CRB1: variants seen among roughly 807,000 people sequenced by gnomAD.
CRB1 encodes crumbs cell polarity complex component 1.
In CRB1, 83 loss-of-function variants were observed where a neutral mutation model predicts 120.0. That is an observed-to-expected ratio of 0.69 (90% CI 0.58 to 0.83). The LOEUF is 0.83. Ranked by LOEUF, CRB1 falls within the 40% of genes least tolerant of loss-of-function variation. CRB1 has a pLI of 0.00. For missense variants in CRB1, 1,699 were observed against 1,687.6 expected, an observed-to-expected ratio of 1.01 and a Z score of -0.12; for synonymous variants, 625 against 612.5, an observed-to-expected ratio of 1.02 and a Z score of -0.30.
At chr1:197,462,854 T>C (rs1281626736) in intron 11 of CRB1, among the ~76,000 whole-genome samples, 1 of 151,480 alleles carries the variant, frequency 6.6e-6, no homozygotes, top group Non-Finnish European at 1.5e-5. Context: ...TCATGTAATA[T>C]GCTGAGCTCA....
At chr1:197,212,290 G>T in the CRB1 span, among the ~76,000 whole-genome samples, 1 of 152,014 alleles carries the variant, frequency 6.6e-6, no homozygotes, top group Non-Finnish European at 1.5e-5. Context: ...AGAAATAAAA[G>T]TGTATATCTA....
rs765875243 is a variant in CRB1, at chr1:197,344,284, T to C, written c.656T>C (p.Val219Ala). Residue 219 changes from valine (V) to alanine (A), a missense_variant, in exon 3 of 12, where the codon GTA becomes GCA. By Grantham distance (64) the Val-to-Ala change is moderately conservative. Transcript: ENST00000367400. ...TCICPHNYSG[V>A]NCELEIDECW... The stretch of plus-strand genomic sequence containing the variant: ...TCTGTGCTGACTTTTTTAAAAGGTG[T>C]AAACTGTGAATTGGAAATTGACGAA... The C allele has an allele frequency of 1.2e-6, 2 of 1,614,148 alleles. No homozygotes were observed. The highest frequency in any genetic ancestry group is 2.2e-5 in the South Asian group (2 of 91,078).
chr1:197,351,291 C>T (rs1286135057), intron 4 of CRB1, among the ~76,000 whole-genome samples: 1 of 130,058 alleles, frequency 7.7e-6, no homozygotes, highest in Non-Finnish European at 1.6e-5. Flanking sequence ...ACCTGGGAGG[C>T]GGAGGTTGCA....
At chr1:197,409,198 A>T (rs1663571436) in intron 5 of CRB1, among the ~76,000 whole-genome samples, 1 of 152,248 alleles carries the variant, frequency 6.6e-6, no homozygotes, top group Non-Finnish European at 1.5e-5. Flanking sequence ...ATGGATGCTG[A>T]AGAAACAATT....
chr1:197,269,334 CCTT>C (rs993332883), intron 1 of CRB1, among the ~76,000 whole-genome samples: 4 of 152,182 alleles, frequency 2.6e-5, no homozygotes, highest in African/African-American at 4.8e-5. Flanking sequence ...ATCTGGGTCA[CCTT>C]CTGTGGCTGC....
At chr1:197,382,892 C>T (rs949105581) in intron 5 of CRB1, among the ~76,000 whole-genome samples, 2 of 152,164 alleles carry the variant, frequency 1.3e-5, no homozygotes, top group African/African-American at 2.4e-5. Context: ...TTTCAGGGCA[C>T]GTTTTGCAGC....
chr1:197,361,741 C>A (rs541668483), intron 5 of CRB1, among the ~76,000 whole-genome samples: 1 of 151,706 alleles, frequency 6.6e-6, no homozygotes, highest in Non-Finnish European at 1.5e-5. Context: ...CACCTTTTTA[C>A]AGGTTTATCA....
intron 4 of CRB1, 27 bp from the exon 5 acceptor site, chr1:197,356,801 TAGC>T: frequency 6.2e-7 from 1 of 1,612,942 alleles, no homozygotes; most frequent in Non-Finnish European, 8.5e-7. Context: ...ACCTTTGACT[TAGC>T]AGCTTCTCTG....
At chr1:197,295,572 A>G (rs981996717) in intron 1 of CRB1, among the ~76,000 whole-genome samples, 5 of 151,998 alleles carry the variant, frequency 3.3e-5, no homozygotes, top group African/African-American at 1.2e-4. Context: ...TCATCATGGT[A>G]TATTTTGTAG....
chr1:197,409,848 T>A (rs1051438240), intron 5 of CRB1, among the ~76,000 whole-genome samples: 1 of 152,136 alleles, frequency 6.6e-6, no homozygotes, highest in Non-Finnish European at 1.5e-5. Flanking sequence ...AGTGGCGCAA[T>A]CTCGGCTCAC....
At chr1:197,460,920 G>A (rs1159988543) in intron 11 of CRB1, among the ~76,000 whole-genome samples, 5 of 152,106 alleles carry the variant, frequency 3.3e-5, no homozygotes, top group African/African-American at 1.2e-4. Context: ...TTAAAGAACA[G>A]GTCTAGGGGC....
chr1:197,347,555 G>A, intron 4 of CRB1, 76 bp downstream of exon 4: 1 of 1,442,764 alleles, frequency 6.9e-7, no homozygotes, highest in Admixed American at 1.7e-5. Context: ...CAAATGAAAT[G>A]AAAAATTATT....
chr1:197,460,224 G>T (rs932320737), intron 11 of CRB1, among the ~76,000 whole-genome samples: 1 of 151,752 alleles, frequency 6.6e-6, no homozygotes, highest in African/African-American at 2.4e-5. Context: ...AGTCTCTGGG[G>T]CAATAGACTG....
intron 1 of CRB1, among the ~76,000 whole-genome samples, chr1:197,312,417 CAAAA>C (rs1432369340): frequency 2.6e-5 from 4 of 151,814 alleles, no homozygotes; most frequent in Non-Finnish European, 5.9e-5. Flanking sequence ...TACAAAAAAA[CAAAA>C]CAAACAAACA....
chr1:197,274,737 C>G (rs1655108895), intron 1 of CRB1, among the ~76,000 whole-genome samples: 1 of 152,108 alleles, frequency 6.6e-6, no homozygotes, highest in Admixed American at 6.6e-5. Context: ...TTTAAGCTTC[C>G]TCCATGTGCT....
upstream of CRB1, among the ~76,000 whole-genome samples, chr1:197,263,679 T>C (rs1407131494): frequency 1.3e-5 from 2 of 152,044 alleles, no homozygotes; most frequent in East Asian, 3.9e-4. Flanking sequence ...ATACTTACCT[T>C]CTCCCACTTT....
rs1656557150 is a variant in CRB1, at chr1:197,296,905, AG to A, written c.70+28425del. Among the ~76,000 whole-genome samples the A allele has an allele frequency of 5.3e-5, 8 of 152,126 alleles. No individual in the cohort carries two copies. In the South Asian group the frequency reaches 1.7e-3, roughly 32 times the overall value. On this transcript the variant is annotated intron_variant, in intron 1 of 11. Coordinates refer to ENST00000367400, the MANE Select transcript of CRB1 (RefSeq NM_201253.3). ...TCTGCCATGATTGTGAGGCCTCCCC[AG>A]GCATGGGAAATTGTGAGTCCATTAA...
chr1:197,317,191 G>A (rs1657904171), intron 1 of CRB1, among the ~76,000 whole-genome samples: 1 of 152,152 alleles, frequency 6.6e-6, no homozygotes, highest in South Asian at 2.1e-4. Flanking sequence ...GCCAAGGTGG[G>A]TGAATCACCC....
chr1:197,433,509 T>G (rs1664975907), intron 8 of CRB1, among the ~76,000 whole-genome samples: 1 of 152,030 alleles, frequency 6.6e-6, no homozygotes, highest in African/African-American at 2.4e-5. Flanking sequence ...GACAAAAGCT[T>G]GAGTGGCATA....
Sources: allele counts gnomAD v4.1 joint callset (sites outside exome capture counted in the v4.1 genomes callset), GRCh38; gene constraint gnomAD v4.1.1; transcripts MANE v1.5; gene names NCBI Gene and HGNC (gene_info 2026-07-23, HGNC 2026-07-21).